SLC22A9: variants seen among roughly 807,000 people sequenced by gnomAD.
SLC22A9 encodes solute carrier family 22 member 9, also known as organic anion transporter 7.
In SLC22A9, 64 loss-of-function variants were observed where a neutral mutation model predicts 50.1. The observed-to-expected ratio is 1.28, with a 90% confidence interval of 1.04 to 1.57. The LOEUF (loss-of-function observed/expected upper bound fraction) is 1.57, where lower values mean the gene tolerates loss of function less well. Among genes scored for constraint, SLC22A9 ranks in the 40% most tolerant of loss-of-function variants. The pLI is 0.00. For missense variants in SLC22A9, 757 were observed against 676.1 expected, an observed-to-expected ratio of 1.12 and a Z score of -1.33; for synonymous variants, 261 against 242.5, an observed-to-expected ratio of 1.08 and a Z score of -0.71.
At chr11:63,398,019 G>T (rs2014890040) in intron 6 of SLC22A9, among the ~76,000 whole-genome samples, 1 of 152,152 alleles carries the variant, frequency 6.6e-6, no homozygotes, top group Non-Finnish European at 1.5e-5. Context: ...ACAAGGCAGA[G>T]TCTCACCCAA....
At chr11:63,383,144 G>A (rs920406738) in intron 6 of SLC22A9, among the ~76,000 whole-genome samples, 12 of 152,146 alleles carry the variant, frequency 7.9e-5, no homozygotes, top group African/African-American at 2.7e-4. Flanking sequence ...GTACAGCTCA[G>A]TGCAATAAAA....
chr11:63,403,050 T>C (rs1279185303), intron 6 of SLC22A9, among the ~76,000 whole-genome samples: 1 of 152,124 alleles, frequency 6.6e-6, no homozygotes, highest in Non-Finnish European at 1.5e-5. Flanking sequence ...TGACATATAA[T>C]TGACAATTGG....
At chr11:63,408,520 A>G (rs1484352770) in intron 8 of SLC22A9, among the ~76,000 whole-genome samples, 156 bp from the exon 9 acceptor site, 1 of 152,192 alleles carries the variant, frequency 6.6e-6, no homozygotes, top group Non-Finnish European at 1.5e-5. Context: ...TGAAAAATTA[A>G]TTGCTAGCAA....
chr11:63,383,675 G>A (rs968795994), intron 6 of SLC22A9, among the ~76,000 whole-genome samples: 1 of 152,122 alleles, frequency 6.6e-6, no homozygotes, highest in African/African-American at 2.4e-5. Context: ...CCCAGAAACT[G>A]ACCATAAAGA....
At chr11:63,396,655 G>A (rs1414299519) in intron 6 of SLC22A9, among the ~76,000 whole-genome samples, 1 of 152,130 alleles carries the variant, frequency 6.6e-6, no homozygotes, top group Non-Finnish European at 1.5e-5. Context: ...CACGATGCAA[G>A]CCTCCAAACA....
intron 6 of SLC22A9, among the ~76,000 whole-genome samples, chr11:63,394,649 G>A (rs922227035): frequency 2.6e-5 from 4 of 152,104 alleles, no homozygotes; most frequent in South Asian, 2.1e-4. Flanking sequence ...GTCTCACAGC[G>A]CTTAAGCTTC....
At chr11:63,395,168 C>T (rs1324647188) in intron 6 of SLC22A9, among the ~76,000 whole-genome samples, 1 of 151,942 alleles carries the variant, frequency 6.6e-6, no homozygotes. Flanking sequence ...TACTTCCCTG[C>T]CCTGAGCTTT....
chr11:63,397,600 A>G (rs2014881517), intron 6 of SLC22A9, among the ~76,000 whole-genome samples: 1 of 152,026 alleles, frequency 6.6e-6, no homozygotes, highest in African/African-American at 2.4e-5. Context: ...CACAAAAGAA[A>G]GTCTTTTCCA....
At chr11:63,398,074 G>A (rs1314708151) in intron 6 of SLC22A9, among the ~76,000 whole-genome samples, 1 of 152,114 alleles carries the variant, frequency 6.6e-6, no homozygotes, top group Non-Finnish European at 1.5e-5. Flanking sequence ...GATTATTCAG[G>A]ACCCAAGGTT....
chr11:63,386,883 C>T (rs564690826), intron 6 of SLC22A9, among the ~76,000 whole-genome samples: 6 of 150,644 alleles, frequency 4.0e-5, no homozygotes, highest in South Asian at 4.2e-4. Context: ...TTTTTTGTAT[C>T]GCTGTCTCCT....
chr11:63,410,257 A>AAAAAAAGAAGGAAAG lies in SLC22A9; in HGVS notation c.*398_*399insAAAGAAGGAAAGAAA. 7.0e-4 allele frequency: 76 copies of AAAAAAAGAAGGAAAG among 108,436 alleles called. 1 individual carries two copies. Among genetic ancestry groups the AAAAAAAGAAGGAAAG allele is most frequent in the East Asian group, 1.1e-3 (2 of 1,806 alleles). The allele number at this position is 108,436 out of a possible 1,614,324, so 6.7% of individuals were successfully genotyped here. A position where few individuals can be genotyped will look rare whatever the true frequency, so the allele number is the denominator to read the frequency against. Reference sequence around the variant, plus strand: ...CTGTCTCAAAAAAAAAAAAAAAAAAAAAAGAAAGAAGGAAAGAAAGAAAGA... The same window carrying AAAAAAAGAAGGAAAG: ...CTGTCTCAAAAAAAAAAAAAAAAAAAAAAAAAGAAGGAAAGAAAGAAAGAAGGAAAGAAAGAAAGA... On this transcript the variant is annotated 3_prime_UTR_variant, in exon 10 of 10. Coordinates refer to ENST00000279178, the MANE Select transcript of SLC22A9 (RefSeq NM_080866.3).
chr11:63,385,106 G>GTTTTTTT lies in SLC22A9; in HGVS notation c.1073+2844_1073+2850dup, dbSNP rs149124193. Among the ~76,000 whole-genome samples, 62 of 76,508 alleles carry GTTTTTTT rather than the reference G, an allele frequency of 8.1e-4. 1 individual carries two copies. The highest frequency in any genetic ancestry group is 9.4e-4 in the African/African-American group (18 of 19,176). The allele number at this position is 76,508 out of a possible 152,430, so 50.2% of individuals were successfully genotyped here. On this transcript the variant is annotated intron_variant, in intron 6 of 9. Transcript: ENST00000279178. The stretch of plus-strand genomic sequence containing the variant: ...CTTGCCTGTTCACTCTGATGATACA[G>GTTTTTTT]TTTTTTTTTTTTTTTTTTTTTGCTG...
Position 63,375,747 on chromosome 11 carries a change from CAG to C in SLC22A9, c.937_938del (p.Asp313HisfsTer27), listed in dbSNP as rs2014449639. 1.2e-6 allele frequency: 2 copies of C among 1,612,248 alleles called. No homozygotes were observed. Among genetic ancestry groups the C allele is most frequent in the Non-Finnish European group, 1.7e-6 (2 of 1,178,792 alleles). ...CACACAGGAGTGGAATGAAGAATGC[CAG>C]AGACACCCTAACCCTGGAGGTGAGC... ...AAHRSGMKNA[R>X]DTLTLEILKS... On this transcript the variant is annotated frameshift_variant, in exon 5 of 10. Transcript: ENST00000279178. LOFTEE classifies it high-confidence loss of function.
At chr11:63,396,383 G>A (rs546750) in intron 6 of SLC22A9, among the ~76,000 whole-genome samples, 105,230 of 152,104 alleles carry the variant, frequency 0.69, 37,128 homozygotes, top group Non-Finnish European at 0.76. Context: ...TGCTTCCTCT[G>A]CCCCTGTATT....
chr11:63,381,252 G>T (rs1311221654), intron 5 of SLC22A9, among the ~76,000 whole-genome samples: 2 of 151,994 alleles, frequency 1.3e-5, no homozygotes, highest in African/African-American at 4.8e-5. Context: ...CATCTCCTCT[G>T]CCCAGATCAC....
At chr11:63,380,865 TA>T (rs2014548718) in intron 5 of SLC22A9, among the ~76,000 whole-genome samples, 1 of 151,332 alleles carries the variant, frequency 6.6e-6, no homozygotes, top group Admixed American at 6.6e-5. Context: ...AGTTGGAAAG[TA>T]AAAAACAAAA....
At chr11:63,384,163 G>T (rs981583984) in intron 6 of SLC22A9, among the ~76,000 whole-genome samples, 1 of 152,130 alleles carries the variant, frequency 6.6e-6, no homozygotes, top group Non-Finnish European at 1.5e-5. Context: ...GTGCTGGGGT[G>T]CATGTACAGG....
At chr11:63,374,199 A>G in intron 4 of SLC22A9, 137 bp downstream of exon 4, 1 of 757,426 alleles carries the variant, frequency 1.3e-6, no homozygotes, top group Non-Finnish European at 2.0e-6. Flanking sequence ...TTGATGTGCA[A>G]TACAAGAAGC....
chr11:63,404,394 A>G (rs1591028441), intron 6 of SLC22A9, among the ~76,000 whole-genome samples: 2 of 152,182 alleles, frequency 1.3e-5, no homozygotes, highest in African/African-American at 4.8e-5. Context: ...AATCTGCTGT[A>G]CAACATTATG....
Sources: allele counts gnomAD v4.1 joint callset (sites outside exome capture counted in the v4.1 genomes callset), GRCh38; gene constraint gnomAD v4.1.1; transcripts MANE v1.5; gene names NCBI Gene and HGNC (gene_info 2026-07-23, HGNC 2026-07-21).